The following AVEN variants were observed in gnomAD, a reference collection of about 807,000 sequenced individuals.
AVEN encodes apoptosis and caspase activation inhibitor.
In AVEN, 41 loss-of-function variants were observed where a neutral mutation model predicts 38.1. The observed-to-expected ratio is 1.08, with a 90% confidence interval of 0.84 to 1.40. AVEN has a LOEUF of 1.40. Ranked by LOEUF, AVEN falls within the 40% of genes most tolerant of loss-of-function variation. The probability of loss-of-function intolerance (pLI) is 0.00; values close to 1 mark genes in which losing one functional copy is unlikely to be tolerated. For missense variants in AVEN, 605 were observed against 438.8 expected (o/e 1.38, Z -3.38); for synonymous variants, 206 against 171.8 (o/e 1.20, Z -1.56).
chr15:33,919,958 T>C (rs746229777), intron 2 of AVEN, among the ~76,000 whole-genome samples: 1 of 152,174 alleles, frequency 6.6e-6, no homozygotes, highest in African/African-American at 2.4e-5. Context: ...ATTTTCCCAG[T>C]ATGCCTACTC....
At chr15:33,923,137 A>AAG (rs35962409) in intron 2 of AVEN, among the ~76,000 whole-genome samples, 99,183 of 150,934 alleles carry the variant, frequency 0.66, 33,084 homozygotes, top group East Asian at 0.81. Context: ...AGGATAAGCT[A>AAG]AGAGAGAGAG....
At chr15:33,979,250 G>A (rs1000033054) in intron 2 of AVEN, among the ~76,000 whole-genome samples, 7 of 152,160 alleles carry the variant, frequency 4.6e-5, no homozygotes, top group South Asian at 4.1e-4. Context: ...GGCCAGGCAC[G>A]GTGTCCCATG....
At chr15:33,917,396 A>ACAC (rs1555506897) in intron 2 of AVEN, among the ~76,000 whole-genome samples, 3,491 of 23,212 alleles carry the variant, frequency 0.15, 144 homozygotes, top group African/African-American at 0.26. Context: ...ACACACACAC[A>ACAC]CATGGAATAC....
chr15:34,053,319 A>ATATATATAT (rs1555520677), intron 5 of AVEN, among the ~76,000 whole-genome samples: 6 of 42,066 alleles, frequency 1.4e-4, no homozygotes, highest in East Asian at 5.2e-4. Context: ...AAAAAAAAAA[A>ATATATATAT]ATATATATAT....
chr15:33,979,263 T>G (rs921962086), intron 2 of AVEN, among the ~76,000 whole-genome samples: 1 of 152,230 alleles, frequency 6.6e-6, no homozygotes, highest in African/African-American at 2.4e-5. Context: ...GTCCCATGCC[T>G]GCAATCCCAG....
At chr15:34,035,470 A>G (rs1349055919) in intron 1 of AVEN, among the ~76,000 whole-genome samples, 1 of 152,194 alleles carries the variant, frequency 6.6e-6, no homozygotes, top group Non-Finnish European at 1.5e-5. Context: ...GGAGCAGTTT[A>G]GAGCAGCAGT....
chr15:34,020,783 T>A (rs1462555242), intron 1 of AVEN, among the ~76,000 whole-genome samples: 1 of 152,112 alleles, frequency 6.6e-6, no homozygotes, highest in East Asian at 1.9e-4. Context: ...CAAGATATAA[T>A]CTCCACATAA....
At chr15:34,006,420 C>T (rs1897346388) in intron 1 of AVEN, among the ~76,000 whole-genome samples, 1 of 152,130 alleles carries the variant, frequency 6.6e-6, no homozygotes, top group African/African-American at 2.4e-5. Flanking sequence ...TTTGTTGGCC[C>T]ATTGGGTGAA....
chr15:33,885,289 A>G (rs962381020), intron 2 of AVEN, among the ~76,000 whole-genome samples: 2 of 152,174 alleles, frequency 1.3e-5, no homozygotes, highest in African/African-American at 4.8e-5. Context: ...ATGAAAGATG[A>G]CATATTTGGA....
At chr15:34,008,975 CAG>C (rs869186780) in intron 1 of AVEN, among the ~76,000 whole-genome samples, 10,125 of 149,376 alleles carry the variant, frequency 0.068, 437 homozygotes, top group Non-Finnish European at 0.1. Context: ...CACACACACA[CAG>C]ACCATCGAGA....
downstream of AVEN, among the ~76,000 whole-genome samples, chr15:33,854,611 T>C (rs975654468): frequency 2.0e-5 from 3 of 152,162 alleles, no homozygotes; most frequent in African/African-American, 7.2e-5. Flanking sequence ...ATAAGGTAGA[T>C]GGGGCTCACT....
chr15:33,888,395 C>T (rs913234861), intron 2 of AVEN, among the ~76,000 whole-genome samples: 1 of 151,940 alleles, frequency 6.6e-6, no homozygotes, highest in East Asian at 1.9e-4. Context: ...ACACCTGATC[C>T]GACGGAAAAC....
intron 5 of AVEN, among the ~76,000 whole-genome samples, chr15:34,061,454 G>T (rs971148137): frequency 4.6e-5 from 7 of 152,154 alleles, no homozygotes; most frequent in African/African-American, 1.7e-4. Context: ...AATTCAAATT[G>T]TAAATGGTAA....
At chr15:33,972,594 GAA>G (rs1895689008) in intron 2 of AVEN, 1 of 152,132 alleles carries the variant, frequency 6.6e-6, no homozygotes, top group African/African-American at 2.4e-5. Context: ...TGTGTTCTCT[GAA>G]AGTCTTCAAC....
At chr15:33,864,726 T>G (rs1449434340), downstream of AVEN, 1 of 186,782 alleles carries the variant, frequency 5.4e-6, no homozygotes, top group East Asian at 1.4e-4. Flanking sequence ...TAGGAAAACT[T>G]TACAGTTCAC....
At chr15:33,903,246 T>A (rs1417852774) in intron 2 of AVEN, among the ~76,000 whole-genome samples, 1 of 152,188 alleles carries the variant, frequency 6.6e-6, no homozygotes, top group Non-Finnish European at 1.5e-5. Context: ...AAACAGTTTA[T>A]AAAAGGACAG....
chr15:33,949,284 G>A (rs773336114), intron 2 of AVEN, among the ~76,000 whole-genome samples: 9 of 148,980 alleles, frequency 6.0e-5, no homozygotes, highest in South Asian at 4.3e-4. Context: ...CCTCAGCCTC[G>A]GCTGGGATTA....
chr15:33,948,022 C>G (rs541379002), intron 2 of AVEN, among the ~76,000 whole-genome samples: 14 of 152,128 alleles, frequency 9.2e-5, no homozygotes, highest in African/African-American at 3.1e-4. Flanking sequence ...ACAATTAGAT[C>G]TTCATCTGAG....
At chr15:33,876,236 C>T (rs1034616658) in intron 2 of AVEN, among the ~76,000 whole-genome samples, 1 of 152,112 alleles carries the variant, frequency 6.6e-6, no homozygotes, top group Non-Finnish European at 1.5e-5. Context: ...AGGATAAAAT[C>T]ACTACTCTTA....
Sources: gnomAD v4.1 joint callset for allele counts (sites outside exome capture counted in the v4.1 genomes callset) on GRCh38, gnomAD v4.1.1 for gene constraint, MANE v1.5 for transcripts, NCBI Gene and HGNC (gene_info 2026-07-23, HGNC 2026-07-21) for gene names.